The following CNTN6 variants were observed in gnomAD, a reference collection of about 807,000 sequenced individuals.
CNTN6 encodes the protein contactin-6.
In CNTN6, 137 loss-of-function variants were observed where a neutral mutation model predicts 122.8. The ratio of observed to expected loss-of-function variants is 1.12; its 90% CI spans 0.97 to 1.29. The LOEUF (loss-of-function observed/expected upper bound fraction) is 1.29, where lower values mean the gene tolerates loss of function less well. Among genes scored for constraint, CNTN6 ranks in the 50% most tolerant of loss-of-function variants. The pLI, the probability that CNTN6 is intolerant of heterozygous loss-of-function variation, is 0.00. For missense variants in CNTN6, 1,634 were observed against 1,223.4 expected (o/e 1.34, Z -5.01); for synonymous variants, 570 against 426.0 (o/e 1.34, Z -4.16).
chr3:1,385,808 A>C lies in CNTN6; in HGVS notation c.2704+11A>C, dbSNP rs751331688. ...CCACCAAAAAGTCTCGTAAGTATGC[A>C]TACACTCCAGGAAACAAGATTCATC... On this transcript the variant is annotated intron_variant, in intron 20 of 22. Transcript: ENST00000446702. 1.0e-5 allele frequency: 16 copies of C among 1,599,034 alleles called. No individual in the cohort carries two copies. The African/African-American group carries it at 1.9e-4, about 19-fold the overall frequency.
chr3:1,312,298 TC>T (rs770911370), intron 7 of CNTN6, among the ~76,000 whole-genome samples: 2 of 151,728 alleles, frequency 1.3e-5, no homozygotes, highest in Non-Finnish European at 2.9e-5. Context: ...ATTTAAAGGT[TC>T]TTAAAAATCA....
chr3:1,128,392 G>A (rs1365627307), intron 1 of CNTN6: 1 of 151,942 alleles, frequency 6.6e-6, no homozygotes, highest in African/African-American at 2.4e-5. Context: ...CAGTTATAGT[G>A]TTCTTTGTCA....
chr3:1,117,139 A>G (rs1278424156), intron 1 of CNTN6, among the ~76,000 whole-genome samples: 1 of 152,150 alleles, frequency 6.6e-6, no homozygotes, highest in Non-Finnish European at 1.5e-5. Flanking sequence ...TAGGGAAGAG[A>G]TTTATATTGC....
At chr3:1,157,570 T>C (rs2093003467) in intron 2 of CNTN6, among the ~76,000 whole-genome samples, 1 of 152,194 alleles carries the variant, frequency 6.6e-6, no homozygotes, top group African/African-American at 2.4e-5. Flanking sequence ...CACCCTGTTG[T>C]GCTATCAAAT....
At chr3:1,098,817 T>G (rs59252308) in intron 1 of CNTN6, among the ~76,000 whole-genome samples, 1 of 141,800 alleles carries the variant, frequency 7.1e-6, no homozygotes, top group Non-Finnish European at 1.5e-5. Flanking sequence ...TATATATATA[T>G]AGTGGGAAAT....
chr3:1,402,619 G>T (rs959797534), intron 22 of CNTN6, 133 bp downstream of exon 22: 2 of 671,106 alleles, frequency 3.0e-6, no homozygotes, highest in Non-Finnish European at 4.8e-6. Context: ...TGAGCAAAAG[G>T]TGATGAGCCA....
Position 1,327,625 on chromosome 3 carries a change from G to A in CNTN6, c.1213+39G>A, listed in dbSNP as rs376260111. ...TTACAACCAACAAATTCAAAATGAC[G>A]TTTTAACAAGCTATAATTATGCATA... On this transcript the variant is annotated intron_variant, in intron 10 of 22. Coordinates refer to ENST00000446702, the MANE Select transcript of CNTN6 (RefSeq NM_001289080.2). 1.9e-5 allele frequency: 30 copies of A among 1,596,952 alleles called. No homozygotes were observed. The African/African-American group carries it at 2.0e-4, about 11-fold the overall frequency.
At chr3:1,333,605 T>C (rs923791417) in intron 11 of CNTN6, among the ~76,000 whole-genome samples, 3 of 152,106 alleles carry the variant, frequency 2.0e-5, no homozygotes, top group Admixed American at 2.0e-4. Context: ...TTGTAAAACT[T>C]CTATATGGTA....
At chr3:1,390,948 G>T (rs1430128771) in intron 20 of CNTN6, among the ~76,000 whole-genome samples, 3 of 148,724 alleles carry the variant, frequency 2.0e-5, no homozygotes, top group East Asian at 2.0e-4. Flanking sequence ...GGACCAGATG[G>T]ATTCACAGCC....
intron 11 of CNTN6, among the ~76,000 whole-genome samples, chr3:1,332,194 A>G (rs553702616): frequency 1.7e-4 from 26 of 152,100 alleles, no homozygotes; most frequent in African/African-American, 6.0e-4. Flanking sequence ...TGTAGTAATT[A>G]CAGTCACTAC....
chr3:1,172,710 G>T (rs187446465), intron 2 of CNTN6, among the ~76,000 whole-genome samples: 109 of 151,878 alleles, frequency 7.2e-4, no homozygotes, highest in Non-Finnish European at 9.7e-4. Context: ...ACCAAAATCC[G>T]GAATGAACTA....
chr3:1,239,834 C>A (rs924637751), intron 4 of CNTN6, among the ~76,000 whole-genome samples: 1 of 152,090 alleles, frequency 6.6e-6, no homozygotes, highest in East Asian at 1.9e-4. Context: ...GCACATAGAC[C>A]AATGGAACAG....
Position 1,253,495 on chromosome 3 carries a change from T to C in CNTN6, c.359-24918T>C, listed in dbSNP as rs145913677. On this transcript the variant is annotated intron_variant, in intron 4 of 22. Coordinates refer to ENST00000446702, the MANE Select transcript of CNTN6 (RefSeq NM_001289080.2). ...GGTAATTTTGTCTGCTAATTACATA[T>C]AAATTGGTTAAGCAGTCATGCGTAT... Among the ~76,000 whole-genome samples the C allele has an allele frequency of 5.8e-4, 88 of 152,294 alleles. 2 individuals carry two copies. In the East Asian group the frequency reaches 0.014, roughly 24 times the overall value.
chr3:1,279,403 A>G (rs1477608314), intron 5 of CNTN6, among the ~76,000 whole-genome samples: 1 of 152,242 alleles, frequency 6.6e-6, no homozygotes, highest in East Asian at 1.9e-4. Flanking sequence ...AAGCTTAATA[A>G]CAGCAAGGAC....
intron 20 of CNTN6, among the ~76,000 whole-genome samples, chr3:1,399,238 C>T (rs1695365514): frequency 6.6e-6 from 1 of 151,956 alleles, no homozygotes; most frequent in Admixed American, 6.6e-5. Context: ...CAAGAGTAGA[C>T]TAGATATTAA....
intron 1 of CNTN6, among the ~76,000 whole-genome samples, chr3:1,102,033 GTCT>G (rs1244687731): frequency 6.6e-6 from 1 of 152,160 alleles, no homozygotes; most frequent in African/African-American, 2.4e-5. Flanking sequence ...TTTTTTAAAA[GTCT>G]TCTTTTAAGG....
intron 7 of CNTN6, among the ~76,000 whole-genome samples, chr3:1,317,976 T>C (rs990286254): frequency 6.0e-5 from 9 of 150,496 alleles, no homozygotes; most frequent in African/African-American, 2.2e-4. Context: ...AATGGAACAA[T>C]ATAACTTTTA....
intron 2 of CNTN6, among the ~76,000 whole-genome samples, chr3:1,202,070 G>A (rs1265938987): frequency 6.6e-6 from 1 of 152,126 alleles, no homozygotes; most frequent in East Asian, 1.9e-4. Context: ...AAATGCTAGT[G>A]GAGTAAATGA....
chr3:1,387,980 G>C lies in CNTN6; in HGVS notation c.2704+2183G>C, dbSNP rs929331619. ...CAAACTGCAAGGCGGCAGCGAGGCT[G>C]GGGGAGGGGCGCCCGCCATTGGCCA... On this transcript the variant is annotated intron_variant, in intron 20 of 22. Coordinates refer to ENST00000446702, the MANE Select transcript of CNTN6 (RefSeq NM_001289080.2). Among the ~76,000 whole-genome samples the C allele has an allele frequency of 4.6e-5, 7 of 152,206 alleles. 1 individual carries two copies. Among genetic ancestry groups the C allele is most frequent in the Admixed American group, 4.6e-4 (7 of 15,288 alleles).
Sources: allele counts gnomAD v4.1 joint callset (sites outside exome capture counted in the v4.1 genomes callset), GRCh38; gene constraint gnomAD v4.1.1; transcripts MANE v1.5; gene names NCBI Gene and HGNC (gene_info 2026-07-23, HGNC 2026-07-21).